Variants in DOCK2 observed in about 807,000 individuals in gnomAD.
The protein encoded by DOCK2 is dedicator of cytokinesis 2.
DOCK2 carries 87 observed loss-of-function variants against 248.9 expected under a neutral mutation model. That is an observed-to-expected ratio of 0.35 (90% CI 0.29 to 0.42). DOCK2 has a LOEUF of 0.42. Among genes scored for constraint, DOCK2 ranks in the 10% least tolerant of loss-of-function variants. The probability of loss-of-function intolerance (pLI) is 1.00; values close to 1 mark genes in which losing one functional copy is unlikely to be tolerated. For synonymous variants in DOCK2, 805 were observed against 821.6 expected (o/e 0.98, Z 0.35); for missense variants, 1,747 against 2,300.2 (o/e 0.76, Z 4.92).
chr5:169,908,226 A>C (rs1224472960), intron 27 of DOCK2, among the ~76,000 whole-genome samples: 1 of 152,192 alleles, frequency 6.6e-6, no homozygotes, highest in Non-Finnish European at 1.5e-5. Flanking sequence ...ATTTAAGCTC[A>C]GTTTTATTTT....
At chr5:169,961,699 C>T (rs775848876) in intron 27 of DOCK2, among the ~76,000 whole-genome samples, 3 of 151,954 alleles carry the variant, frequency 2.0e-5, no homozygotes, top group Non-Finnish European at 4.4e-5. Flanking sequence ...GAAGCCAGGC[C>T]GGGTGCAGTG....
Position 170,079,586 on chromosome 5 carries a change from C to T in DOCK2, c.5166+440C>T, listed in dbSNP as rs549325662. On this transcript the variant is annotated intron_variant, in intron 49 of 51. Transcript: ENST00000520908. Reference sequence around the variant, plus strand: ...TGTGCCAGGAGTCCAGGTGGGGATACAGGGATGAAATCTCACTGTCCTGGC... The same window carrying T: ...TGTGCCAGGAGTCCAGGTGGGGATATAGGGATGAAATCTCACTGTCCTGGC... 2.2e-5 allele frequency: 4 copies of T among 178,144 alleles called. No homozygotes were observed. The East Asian group carries it at 5.5e-4, about 24-fold the overall frequency. The allele number at this position is 178,144 out of a possible 1,614,324, so 11.0% of individuals were successfully genotyped here.
chr5:169,681,210 G>A (rs978253029), intron 6 of DOCK2, among the ~76,000 whole-genome samples: 11 of 133,744 alleles, frequency 8.2e-5, no homozygotes, highest in East Asian at 2.5e-4. Flanking sequence ...TGCAACTTCC[G>A]CCTCCCAGGT....
intron 22 of DOCK2, among the ~76,000 whole-genome samples, chr5:169,727,089 GA>G: frequency 6.7e-6 from 1 of 150,072 alleles, no homozygotes; most frequent in Admixed American, 6.6e-5. Context: ...AAAGAAAAAA[GA>G]AAGAAAGAAA....
chr5:169,798,078 G>T (rs2113103739), intron 25 of DOCK2, among the ~76,000 whole-genome samples: 1 of 152,312 alleles, frequency 6.6e-6, no homozygotes, highest in South Asian at 2.1e-4. Flanking sequence ...AATCTGTAAA[G>T]CAGCTGCCTT....
chr5:169,685,702 A>G (rs1393292953), intron 8 of DOCK2, among the ~76,000 whole-genome samples: 2 of 152,216 alleles, frequency 1.3e-5, no homozygotes, highest in East Asian at 1.9e-4. Context: ...TCCTGGAGAC[A>G]TGCATGAAAC....
chr5:169,764,222 A>G lies in DOCK2; in HGVS notation c.2554+2597A>G, dbSNP rs1008297318. ...ACTGCCAGATGTGCAAATTGCCTGGAGTATTTTCAGTGACAGTTGCTTGTA... is the reference window on the plus strand; with the variant it reads ...ACTGCCAGATGTGCAAATTGCCTGGGGTATTTTCAGTGACAGTTGCTTGTA... On this transcript the variant is annotated intron_variant, in intron 25 of 51. Coordinates refer to ENST00000520908, the MANE Select transcript of DOCK2 (RefSeq NM_004946.3). The surrounding 1 kb of genome is among the most constrained non-coding windows in gnomAD (Gnocchi z 4.3). Among the ~76,000 whole-genome samples the G allele has an allele frequency of 7.9e-5, 12 of 152,172 alleles. No homozygotes were observed. The highest frequency in any genetic ancestry group is 2.2e-4 in the African/African-American group (9 of 41,438).
intron 25 of DOCK2, among the ~76,000 whole-genome samples, chr5:169,762,157 G>A (rs1272744740): frequency 6.6e-6 from 1 of 152,142 alleles, no homozygotes; most frequent in African/African-American, 2.4e-5. Context: ...GTACCATGTG[G>A]AAATGGTCCC....
intron 22 of DOCK2, among the ~76,000 whole-genome samples, chr5:169,742,933 C>T (rs1200571703): frequency 6.6e-6 from 1 of 152,216 alleles, no homozygotes; most frequent in African/African-American, 2.4e-5. Context: ...TCCTTGTGGT[C>T]AGGGCCTTAG....
chr5:169,817,184 A>C (rs1393548501), intron 26 of DOCK2, among the ~76,000 whole-genome samples: 4 of 152,180 alleles, frequency 2.6e-5, no homozygotes, highest in Non-Finnish European at 5.9e-5. Context: ...CGTCTCACTC[A>C]CCACCTCTTC....
intron 32 of DOCK2, among the ~76,000 whole-genome samples, chr5:170,017,977 T>C (rs78012520): frequency 0.023 from 3,577 of 152,330 alleles, 130 homozygotes; most frequent in African/African-American, 0.08. Context: ...AAATTTATTT[T>C]CTCATTCAGC....
intron 4 of DOCK2, 119 bp downstream of exon 4, chr5:169,670,716 C>A: frequency 8.1e-7 from 1 of 1,232,854 alleles, no homozygotes; most frequent in Non-Finnish European, 1.1e-6. Flanking sequence ...TTCTTTGTGC[C>A]TGTGTATATT....
intron 44 of DOCK2, among the ~76,000 whole-genome samples, chr5:170,058,449 A>G (rs1478034294): frequency 1.3e-5 from 2 of 152,200 alleles, no homozygotes; most frequent in African/African-American, 4.8e-5. Context: ...AAATTAAAGC[A>G]GAAAGGTGAT....
chr5:170,008,238 A>C (rs76744150), intron 30 of DOCK2, among the ~76,000 whole-genome samples: 17 of 77,430 alleles, frequency 2.2e-4, no homozygotes, highest in East Asian at 7.4e-4. Flanking sequence ...AAAAAAAAAA[A>C]CCTAAAATTC....
At chr5:169,667,764 A>G (rs1758820468) in intron 2 of DOCK2, among the ~76,000 whole-genome samples, 1 of 152,248 alleles carries the variant, frequency 6.6e-6, no homozygotes, top group Non-Finnish European at 1.5e-5. Context: ...AAAACAAAAA[A>G]TGTCAACAGA....
rs560347824 is a variant in DOCK2, at chr5:169,961,741, G to A, written c.2800-21327G>A. ...GCCCGTAATCCCAGCACTTTGGGAG[G>A]CCGAGGTGGGCAGATTACTAGAAGT... On this transcript the variant is annotated intron_variant, in intron 27 of 51. Coordinates refer to ENST00000520908, the MANE Select transcript of DOCK2 (RefSeq NM_004946.3). Among the ~76,000 whole-genome samples, 52 of 152,214 alleles carry A rather than the reference G, an allele frequency of 3.4e-4. 1 individual carries two copies. Among genetic ancestry groups the A allele is most frequent in the East Asian group, 2.5e-3 (13 of 5,174 alleles).
At chr5:169,760,231 T>A (rs140779680) in intron 24 of DOCK2, among the ~76,000 whole-genome samples, 1 of 152,316 alleles carries the variant, frequency 6.6e-6, no homozygotes, top group East Asian at 1.9e-4. Context: ...TTAATGTGAT[T>A]ATGCTGTTGG....
chr5:169,974,816 CA>C (rs1348323491), intron 27 of DOCK2, among the ~76,000 whole-genome samples: 2 of 151,930 alleles, frequency 1.3e-5, no homozygotes, highest in African/African-American at 4.8e-5. Flanking sequence ...GTTCTTTTTG[CA>C]ATCATATTTG....
At chr5:169,884,639 T>C (rs1320781185) in intron 27 of DOCK2, 1 of 152,256 alleles carries the variant, frequency 6.6e-6, no homozygotes, top group Non-Finnish European at 1.5e-5. Flanking sequence ...AGGACAGGAT[T>C]GAGGAATCAC....
Sources: gnomAD v4.1 joint callset for allele counts (sites outside exome capture counted in the v4.1 genomes callset) on GRCh38, gnomAD v4.1.1 for gene constraint, Gnocchi (gnomAD v3.1) non-coding constraint, MANE v1.5 for transcripts, NCBI Gene and HGNC (gene_info 2026-07-23, HGNC 2026-07-21) for gene names.